Variants in ATG7 observed in about 807,000 individuals in gnomAD.
ATG7 encodes autophagy related 7.
Under a neutral mutation model 82.4 loss-of-function variants are expected in ATG7, and 70 were observed. The observed-to-expected ratio is 0.85, with a 90% confidence interval of 0.70 to 1.04. ATG7 has a LOEUF of 1.04. ATG7 is among the 50% of genes least tolerant of loss of function. The pLI is 0.00. For synonymous variants in ATG7, 287 were observed against 313.0 expected, an observed-to-expected ratio of 0.92 and a Z score of 0.88; for missense variants, 792 against 864.3, an observed-to-expected ratio of 0.92 and a Z score of 1.05.
At chr3:11,548,309 A>T (rs1440513477) in intron 20 of ATG7, among the ~76,000 whole-genome samples, 1 of 152,122 alleles carries the variant, frequency 6.6e-6, no homozygotes, top group African/African-American at 2.4e-5. Context: ...CAGATACATG[A>T]TGTGCAATTA....
At chr3:11,443,653 T>G (rs1239126816) in intron 20 of ATG7, among the ~76,000 whole-genome samples, 1 of 152,098 alleles carries the variant, frequency 6.6e-6, no homozygotes, top group Non-Finnish European at 1.5e-5. Flanking sequence ...TCCCAAAGTG[T>G]TGGGATTACA....
chr3:11,311,648 TG>T (rs1948693746), intron 7 of ATG7, among the ~76,000 whole-genome samples: 2 of 152,056 alleles, frequency 1.3e-5, no homozygotes, highest in African/African-American at 4.8e-5. Context: ...CATCTTGAAT[TG>T]TTTAACCTTT....
chr3:11,450,783 G>C (rs537516084), intron 20 of ATG7, among the ~76,000 whole-genome samples: 41 of 152,282 alleles, frequency 2.7e-4, no homozygotes, highest in Admixed American at 2.0e-4. Context: ...ATAGGTTCTA[G>C]CTTTCTTAGT....
At chr3:11,445,364 A>T (rs1356865107) in intron 20 of ATG7, among the ~76,000 whole-genome samples, 1 of 152,324 alleles carries the variant, frequency 6.6e-6, no homozygotes, top group South Asian at 2.1e-4. Context: ...ATGGAATACT[A>T]TGCAGCCATA....
At chr3:11,285,631 A>C (rs975728581) in intron 3 of ATG7, among the ~76,000 whole-genome samples, 1 of 152,004 alleles carries the variant, frequency 6.6e-6, no homozygotes, top group South Asian at 2.1e-4. Flanking sequence ...TGGCCTTCTC[A>C]AGTCAGTAGC....
intron 19 of ATG7, among the ~76,000 whole-genome samples, chr3:11,393,072 C>T (rs569625755): frequency 3.3e-5 from 5 of 152,220 alleles, no homozygotes; most frequent in African/African-American, 7.2e-5. Context: ...TTTTCATTGG[C>T]GCAGGTGATG....
chr3:11,317,740 G>A (rs995526333), intron 9 of ATG7, among the ~76,000 whole-genome samples: 12 of 151,846 alleles, frequency 7.9e-5, no homozygotes, highest in Non-Finnish European at 1.3e-4. Context: ...CTACAGGTGC[G>A]CACCATCATG....
chr3:11,478,665 A>G (rs1415785234), intron 20 of ATG7, among the ~76,000 whole-genome samples: 3 of 152,198 alleles, frequency 2.0e-5, no homozygotes, highest in African/African-American at 7.2e-5. Flanking sequence ...AGACTTAAAT[A>G]GAAAAAAGCC....
At chr3:11,300,253 T>G (rs1230040141) in intron 5 of ATG7, among the ~76,000 whole-genome samples, 1 of 152,108 alleles carries the variant, frequency 6.6e-6, no homozygotes, top group African/African-American at 2.4e-5. Flanking sequence ...ATTGAGCACT[T>G]AATTAGGCAT....
rs1252971866 is a variant in ATG7 at position 11,439,230 on chromosome 3, G to A, written c.2079+12304G>A. ...ACTACAGGCGCCCACCACCACGCCCGGCTATTTTTTGTAGTTTTAGTAGGG... is the reference window on the plus strand; with the variant it reads ...ACTACAGGCGCCCACCACCACGCCCAGCTATTTTTTGTAGTTTTAGTAGGG... On this transcript the variant is annotated intron_variant, in intron 20 of 20. Transcript: ENST00000693202. Among the ~76,000 whole-genome samples the A allele has an allele frequency of 2.6e-5, 4 of 151,806 alleles. No individual in the cohort carries two copies. The East Asian group carries it at 5.8e-4, about 22-fold the overall frequency.
intron 12 of ATG7, among the ~76,000 whole-genome samples, chr3:11,341,126 AT>A (rs1463478772): frequency 6.6e-6 from 1 of 151,408 alleles, no homozygotes; most frequent in African/African-American, 2.4e-5. Context: ...CAATGGCGCA[AT>A]CTCTGCTCAC....
chr3:11,549,432 G>A (rs1457327793), intron 20 of ATG7, among the ~76,000 whole-genome samples: 1 of 152,170 alleles, frequency 6.6e-6, no homozygotes, highest in Non-Finnish European at 1.5e-5. Context: ...GTCCTGTGCT[G>A]TATATCAGAC....
chr3:11,561,556 G>C (rs1387582924), downstream of ATG7, among the ~76,000 whole-genome samples: 1 of 152,196 alleles, frequency 6.6e-6, no homozygotes, highest in Non-Finnish European at 1.5e-5. Flanking sequence ...CCCAGCTGGA[G>C]TCAGGCATCT....
intron 20 of ATG7, among the ~76,000 whole-genome samples, chr3:11,480,470 G>T (rs2088816596): frequency 6.6e-6 from 1 of 152,118 alleles, no homozygotes; most frequent in Non-Finnish European, 1.5e-5. Context: ...GCATTATTGG[G>T]AGGGGGTGCG....
intron 20 of ATG7, among the ~76,000 whole-genome samples, chr3:11,470,945 C>T (rs773481298): frequency 1.1e-4 from 17 of 152,206 alleles, no homozygotes; most frequent in Non-Finnish European, 1.9e-4. Context: ...ATTCTCCAGT[C>T]ATCTGCATGG....
intron 6 of ATG7, among the ~76,000 whole-genome samples, chr3:11,308,268 A>T (rs770781271): frequency 6.6e-6 from 1 of 152,250 alleles, no homozygotes; most frequent in African/African-American, 2.4e-5. Context: ...TTAGCTACGA[A>T]TCTTATCTAC....
chr3:11,543,760 G>A (rs1450063752), intron 20 of ATG7, among the ~76,000 whole-genome samples: 1 of 152,214 alleles, frequency 6.6e-6, no homozygotes, highest in Non-Finnish European at 1.5e-5. Flanking sequence ...AAATTAGCTA[G>A]GCGTGGTGGC....
intron 19 of ATG7, among the ~76,000 whole-genome samples, chr3:11,416,153 T>C (rs1304449063): frequency 2.0e-5 from 3 of 152,226 alleles, no homozygotes; most frequent in Non-Finnish European, 2.9e-5. Context: ...TCATGAGATA[T>C]ATTGGTCTGT....
chr3:11,551,037 A>C (rs933052806), intron 20 of ATG7, among the ~76,000 whole-genome samples: 1 of 152,042 alleles, frequency 6.6e-6, no homozygotes, highest in Non-Finnish European at 1.5e-5. Context: ...ACTTCTCTTC[A>C]TATCAGTTTT....
Sources: gnomAD v4.1 joint callset for allele counts (sites outside exome capture counted in the v4.1 genomes callset) on GRCh38, gnomAD v4.1.1 for gene constraint, MANE v1.5 for transcripts, NCBI Gene and HGNC (gene_info 2026-07-23, HGNC 2026-07-21) for gene names.